GALNT13: variants seen among roughly 807,000 people sequenced by gnomAD.
The protein encoded by GALNT13 is polypeptide N-acetylgalactosaminyltransferase 13.
GALNT13 carries 28 observed loss-of-function variants against 64.2 expected under a neutral mutation model. The ratio of observed to expected loss-of-function variants is 0.44; its 90% CI spans 0.32 to 0.60. The LOEUF (loss-of-function observed/expected upper bound fraction) is 0.60, where lower values mean the gene tolerates loss of function less well. GALNT13 is among the 20% of genes least tolerant of loss of function. The pLI, the probability that GALNT13 is intolerant of heterozygous loss-of-function variation, is 0.05. For synonymous variants in GALNT13, 214 were observed against 224.6 expected, an observed-to-expected ratio of 0.95 and a Z score of 0.42; for missense variants, 577 against 669.8, an observed-to-expected ratio of 0.86 and a Z score of 1.53.
chr2:153,993,475 C>T (rs56204597), intron 3 of GALNT13, among the ~76,000 whole-genome samples: 10,556 of 151,946 alleles, frequency 0.069, 427 homozygotes, highest in Middle Eastern at 0.13. Context: ...GCGGGCAGAT[C>T]ACGAGGTCAG....
intron 9 of GALNT13, among the ~76,000 whole-genome samples, chr2:154,332,633 C>G (rs1695228938): frequency 6.6e-6 from 1 of 152,098 alleles, no homozygotes; most frequent in African/African-American, 2.4e-5. Flanking sequence ...AGCAACAAAT[C>G]TCTCCAGAAC....
chr2:153,531,169 A>G, the GALNT13 span, among the ~76,000 whole-genome samples: 3 of 152,204 alleles, frequency 2.0e-5, no homozygotes, highest in African/African-American at 7.2e-5. Flanking sequence ...ATTGCTATAA[A>G]GAAATACCTA....
intron 4 of GALNT13, among the ~76,000 whole-genome samples, chr2:154,209,934 A>G (rs12478699): frequency 0.19 from 28,164 of 152,098 alleles, 3,517 homozygotes; most frequent in Admixed American, 0.31. Context: ...ATGCTGTGCA[A>G]CAGATCTCAC....
the GALNT13 span, among the ~76,000 whole-genome samples, chr2:153,640,030 A>G: frequency 6.6e-6 from 1 of 152,146 alleles, no homozygotes; most frequent in Non-Finnish European, 1.5e-5. Context: ...GCTAGTAGGA[A>G]CGTAGGGTGA....
intron 9 of GALNT13, among the ~76,000 whole-genome samples, chr2:154,305,597 C>T (rs1319020726): frequency 6.6e-6 from 1 of 152,156 alleles, no homozygotes; most frequent in East Asian, 1.9e-4. Context: ...TTATTCTTCA[C>T]TTAGGCAGTT....
intron 4 of GALNT13, among the ~76,000 whole-genome samples, chr2:154,201,348 G>A (rs532492618): frequency 1.3e-5 from 2 of 152,102 alleles, no homozygotes; most frequent in Non-Finnish European, 2.9e-5. Flanking sequence ...ATTTGTTGCT[G>A]TTGCTTTCTT....
At chr2:153,375,123 A>G in the GALNT13 span, among the ~76,000 whole-genome samples, 1 of 152,150 alleles carries the variant, frequency 6.6e-6, no homozygotes. Context: ...CATATTTTAT[A>G]AATAAAATAT....
At chr2:153,609,613 C>A in the GALNT13 span, among the ~76,000 whole-genome samples, 1 of 152,164 alleles carries the variant, frequency 6.6e-6, no homozygotes, top group Non-Finnish European at 1.5e-5. Context: ...CTTTGTTTCT[C>A]ATTTAAACCA....
At chr2:153,993,199 A>G (rs572957499) in intron 3 of GALNT13, among the ~76,000 whole-genome samples, 1 of 152,284 alleles carries the variant, frequency 6.6e-6, no homozygotes, top group Non-Finnish European at 1.5e-5. Flanking sequence ...ACTATTGTAT[A>G]TATTAAGTTT....
chr2:154,450,042 A>G (rs1701805078), intron 12 of GALNT13, among the ~76,000 whole-genome samples: 1 of 152,036 alleles, frequency 6.6e-6, no homozygotes, highest in Non-Finnish European at 1.5e-5. Flanking sequence ...TGGTTACTGA[A>G]TAACACATGC....
the GALNT13 span, among the ~76,000 whole-genome samples, chr2:153,368,416 T>C: frequency 5.3e-5 from 8 of 152,240 alleles, no homozygotes; most frequent in African/African-American, 9.6e-5. Context: ...ATTTGGACTT[T>C]CCAGGTATCA....
chr2:153,263,938 T>C, the GALNT13 span, among the ~76,000 whole-genome samples: 1 of 152,090 alleles, frequency 6.6e-6, no homozygotes, highest in Non-Finnish European at 1.5e-5. Flanking sequence ...AAAGCAAAAA[T>C]TGGCAGATGA....
At chr2:154,121,964 T>G (rs1288168939) in intron 3 of GALNT13, among the ~76,000 whole-genome samples, 2 of 152,102 alleles carry the variant, frequency 1.3e-5, no homozygotes, top group Non-Finnish European at 2.9e-5. Flanking sequence ...TAATGTTCAT[T>G]TTGTTGGTTT....
the GALNT13 span, among the ~76,000 whole-genome samples, chr2:153,205,460 T>C: frequency 6.6e-6 from 1 of 152,174 alleles, no homozygotes; most frequent in African/African-American, 2.4e-5. Context: ...CAAAAAATGT[T>C]TGTTTAATCC....
chr2:154,006,452 A>G (rs541402919), intron 3 of GALNT13, among the ~76,000 whole-genome samples: 4 of 152,320 alleles, frequency 2.6e-5, no homozygotes, highest in South Asian at 2.1e-4. Flanking sequence ...AATTTGTACC[A>G]GTTGATAACT....
the GALNT13 span, among the ~76,000 whole-genome samples, chr2:153,667,278 C>T: frequency 4.6e-5 from 7 of 152,084 alleles, no homozygotes; most frequent in East Asian, 1.4e-3. Flanking sequence ...TCAGAAAATT[C>T]AGAGAACCCC....
At chr2:153,128,519 G>A in the GALNT13 span, among the ~76,000 whole-genome samples, 21 of 152,218 alleles carry the variant, frequency 1.4e-4, no homozygotes, top group Admixed American at 9.8e-4. Context: ...TGAGATTTGG[G>A]TGGGAACACA....
At chr2:153,847,664 T>TAAAAATAACAGAA in the GALNT13 span, among the ~76,000 whole-genome samples, 1 of 151,936 alleles carries the variant, frequency 6.6e-6, no homozygotes, top group Non-Finnish European at 1.5e-5. Context: ...AATTAGAAAA[T>TAAAAATAACAGAA]ATTTTGAGTT....
At chr2:154,219,759 G>A (rs1224662372) in intron 4 of GALNT13, among the ~76,000 whole-genome samples, 1 of 152,064 alleles carries the variant, frequency 6.6e-6, no homozygotes, top group East Asian at 1.9e-4. Context: ...ATGTGCCATG[G>A]TTAGGTCCTA....
Sources: allele counts gnomAD v4.1 joint callset (sites outside exome capture counted in the v4.1 genomes callset), GRCh38; gene constraint gnomAD v4.1.1; transcripts MANE v1.5; gene names NCBI Gene and HGNC (gene_info 2026-07-23, HGNC 2026-07-21).